Variants in PCDH9 observed in about 807,000 individuals in gnomAD.
The protein encoded by PCDH9 is protocadherin 9, also known as protocadherin-9.
Under a neutral mutation model 70.6 loss-of-function variants are expected in PCDH9, and 24 were observed. That is an observed-to-expected ratio of 0.34 (90% CI 0.25 to 0.48). The LOEUF (loss-of-function observed/expected upper bound fraction) is 0.48. PCDH9 is among the 20% of genes least tolerant of loss of function. The pLI is 0.99. For missense variants in PCDH9, 1,281 were observed against 1,503.6 expected, an observed-to-expected ratio of 0.85 and a Z score of 2.45; for synonymous variants, 562 against 558.5, an observed-to-expected ratio of 1.01 and a Z score of -0.09.
chr13:66,448,333 G>A (rs939712799), intron 4 of PCDH9, among the ~76,000 whole-genome samples: 2 of 152,198 alleles, frequency 1.3e-5, no homozygotes, highest in Admixed American at 1.3e-4. Flanking sequence ...CGTGTGAAGT[G>A]CACGTGGATG....
intron 2 of PCDH9, among the ~76,000 whole-genome samples, chr13:67,120,251 C>T (rs1254521217): frequency 6.6e-6 from 1 of 150,774 alleles, no homozygotes; most frequent in Non-Finnish European, 1.5e-5. Flanking sequence ...AAGGCTGATA[C>T]ATCCAGAAAA....
intron 4 of PCDH9, among the ~76,000 whole-genome samples, chr13:66,507,060 T>C (rs976633770): frequency 7.2e-5 from 11 of 152,180 alleles, no homozygotes; most frequent in African/African-American, 2.7e-4. Flanking sequence ...TCACAGGGGA[T>C]TGCAAATTTC....
At chr13:67,167,520 C>CT (rs1307287065) in intron 2 of PCDH9, among the ~76,000 whole-genome samples, 1 of 152,006 alleles carries the variant, frequency 6.6e-6, no homozygotes, top group Non-Finnish European at 1.5e-5. Context: ...TTTCCTTAAC[C>CT]ATAGAAAAGC....
chr13:66,876,026 TC>T (rs982227195), intron 3 of PCDH9, among the ~76,000 whole-genome samples: 1 of 152,172 alleles, frequency 6.6e-6, no homozygotes, highest in African/African-American at 2.4e-5. Context: ...AAACAATTCA[TC>T]AAGACATTAA....
intron 4 of PCDH9, among the ~76,000 whole-genome samples, chr13:66,495,380 A>G (rs979907908): frequency 1.9e-4 from 29 of 152,214 alleles, no homozygotes; most frequent in African/African-American, 6.5e-4. Context: ...TGACTCTGGA[A>G]TAAATAATCT....
intron 3 of PCDH9, among the ~76,000 whole-genome samples, chr13:66,879,429 T>A (rs919024642): frequency 1.3e-5 from 2 of 152,146 alleles, no homozygotes; most frequent in African/African-American, 4.8e-5. Flanking sequence ...ATGCCTAGAA[T>A]GAGGGAGCCT....
chr13:67,006,925 A>G (rs1162310021), intron 2 of PCDH9, among the ~76,000 whole-genome samples: 1 of 152,210 alleles, frequency 6.6e-6, no homozygotes, highest in African/African-American at 2.4e-5. Context: ...ATTCCATTTT[A>G]AAGGGAAATG....
chr13:66,551,364 G>T (rs769047209), intron 4 of PCDH9, among the ~76,000 whole-genome samples: 7 of 152,122 alleles, frequency 4.6e-5, no homozygotes, highest in Non-Finnish European at 8.8e-5. Flanking sequence ...TGAGGAAAGG[G>T]CACGTGCAAT....
At chr13:66,822,378 T>G (rs1345265849) in intron 3 of PCDH9, among the ~76,000 whole-genome samples, 2 of 152,066 alleles carry the variant, frequency 1.3e-5, no homozygotes, top group Non-Finnish European at 2.9e-5. Context: ...TACCAAAGTA[T>G]GAAGAAAATA....
At chr13:66,813,728 T>C (rs2080552973) in intron 3 of PCDH9, among the ~76,000 whole-genome samples, 1 of 152,196 alleles carries the variant, frequency 6.6e-6, no homozygotes, top group Non-Finnish European at 1.5e-5. Flanking sequence ...TAACCATTAT[T>C]GTCAACCATG....
At chr13:66,870,072 T>A (rs1457814321) in intron 3 of PCDH9, among the ~76,000 whole-genome samples, 1 of 152,190 alleles carries the variant, frequency 6.6e-6, no homozygotes, top group Non-Finnish European at 1.5e-5. Flanking sequence ...CATTTAAGTC[T>A]TTAATCCATC....
intron 4 of PCDH9, among the ~76,000 whole-genome samples, chr13:66,391,299 A>G (rs1010931028): frequency 6.6e-6 from 1 of 152,236 alleles, no homozygotes; most frequent in Non-Finnish European, 1.5e-5. Context: ...CTGACAAGCT[A>G]TGCAATTACA....
At chr13:66,745,363 C>A (rs187764007) in intron 3 of PCDH9, among the ~76,000 whole-genome samples, 1 of 152,252 alleles carries the variant, frequency 6.6e-6, no homozygotes, top group East Asian at 1.9e-4. Context: ...GCTCATAGGG[C>A]AGACGAGTGC....
intron 2 of PCDH9, among the ~76,000 whole-genome samples, chr13:66,986,844 T>A (rs1162289689): frequency 1.3e-5 from 2 of 151,906 alleles, no homozygotes; most frequent in Admixed American, 1.3e-4. Context: ...AAAACAAACA[T>A]ACAACTGAAT....
chr13:66,560,442 G>T (rs757094011), intron 4 of PCDH9, among the ~76,000 whole-genome samples: 1 of 150,928 alleles, frequency 6.6e-6, no homozygotes, highest in Non-Finnish European at 1.5e-5. Context: ...GTGCACTCTT[G>T]CTCCTCTCTT....
At chr13:66,822,390 G>A (rs74859627) in intron 3 of PCDH9, among the ~76,000 whole-genome samples, 2,611 of 151,650 alleles carry the variant, frequency 0.017, 75 homozygotes, top group African/African-American at 0.059. Flanking sequence ...AAGAAAATAC[G>A]TTCAGTTTGT....
At chr13:66,891,665 A>G (rs2082098122) in intron 3 of PCDH9, among the ~76,000 whole-genome samples, 1 of 152,122 alleles carries the variant, frequency 6.6e-6, no homozygotes, top group Admixed American at 6.6e-5. Flanking sequence ...TTAGACTATG[A>G]GATCAGTTTC....
At chr13:66,439,614 A>G (rs930133799) in intron 4 of PCDH9, among the ~76,000 whole-genome samples, 1 of 152,192 alleles carries the variant, frequency 6.6e-6, no homozygotes, top group East Asian at 1.9e-4. Flanking sequence ...TGAGCATCCA[A>G]TAAATGGTAG....
intron 3 of PCDH9, among the ~76,000 whole-genome samples, chr13:66,671,262 T>C (rs536033388): frequency 6.6e-6 from 1 of 152,302 alleles, no homozygotes; most frequent in South Asian, 2.1e-4. Flanking sequence ...CAGTCTTCGG[T>C]ATTTCTTCAT....
Sources: gnomAD v4.1 joint callset for allele counts (sites outside exome capture counted in the v4.1 genomes callset) on GRCh38, gnomAD v4.1.1 for gene constraint, MANE v1.5 for transcripts, NCBI Gene and HGNC (gene_info 2026-07-23, HGNC 2026-07-21) for gene names.